MAST4: variants seen among roughly 807,000 people sequenced by gnomAD.
The protein encoded by MAST4 is microtubule associated serine/threonine kinase family member 4.
A neutral mutation model predicts 162.7 loss-of-function variants in MAST4; 89 were observed. The ratio of observed to expected loss-of-function variants is 0.55; its 90% CI spans 0.46 to 0.65. MAST4 has a LOEUF of 0.65. Among genes scored for constraint, MAST4 ranks in the 30% least tolerant of loss-of-function variants. The probability of loss-of-function intolerance (pLI) is 0.00; values close to 1 mark genes in which losing one functional copy is unlikely to be tolerated. For synonymous variants in MAST4, 1,479 were observed against 1,361.1 expected (o/e 1.09, Z -1.91); for missense variants, 3,153 against 3,374.0 (o/e 0.93, Z 1.62).
intron 1 of MAST4, among the ~76,000 whole-genome samples, chr5:66,621,019 T>C (rs1289754072): frequency 6.6e-6 from 1 of 152,182 alleles, no homozygotes; most frequent in Non-Finnish European, 1.5e-5. Flanking sequence ...TGTTTTTTTT[T>C]TCCCTGAATT....
chr5:66,870,836 A>G, intron 3 of MAST4: 1 of 471,504 alleles, frequency 2.1e-6, no homozygotes, highest in Non-Finnish European at 4.4e-6. Context: ...AGACTAGTGG[A>G]CCCAGCTGCT....
At chr5:67,128,377 A>G (rs544724073) in intron 14 of MAST4, among the ~76,000 whole-genome samples, 2 of 152,326 alleles carry the variant, frequency 1.3e-5, no homozygotes, top group Non-Finnish European at 2.9e-5. Context: ...ACAGCACTAG[A>G]TCATTCGGTG....
chr5:67,158,866 C>G (rs1385014191), intron 26 of MAST4, among the ~76,000 whole-genome samples: 1 of 152,128 alleles, frequency 6.6e-6, no homozygotes, highest in Admixed American at 6.5e-5. Context: ...GAAACCCTAT[C>G]TTTACTAAAA....
intron 4 of MAST4, among the ~76,000 whole-genome samples, chr5:67,022,442 T>C (rs949341946): frequency 6.6e-6 from 1 of 151,914 alleles, no homozygotes; most frequent in African/African-American, 2.4e-5. Context: ...GGGTATGTTA[T>C]TGCCAAATTC....
chr5:66,686,768 A>G (rs978316105), intron 1 of MAST4, among the ~76,000 whole-genome samples: 1 of 152,118 alleles, frequency 6.6e-6, no homozygotes, highest in African/African-American at 2.4e-5. Flanking sequence ...CCACCCCACT[A>G]TCTTGTAAGA....
intron 1 of MAST4, among the ~76,000 whole-genome samples, chr5:66,710,811 C>T (rs1416859801): frequency 1.3e-5 from 2 of 151,980 alleles, no homozygotes; most frequent in Non-Finnish European, 2.9e-5. Flanking sequence ...TTCTATGAGT[C>T]ATTTGAATCT....
At chr5:66,823,981 A>G (rs905700389) in intron 3 of MAST4, among the ~76,000 whole-genome samples, 1 of 152,190 alleles carries the variant, frequency 6.6e-6, no homozygotes, top group Non-Finnish European at 1.5e-5. Context: ...GTAATCTTTT[A>G]TGAGCTAATA....
intron 1 of MAST4, among the ~76,000 whole-genome samples, chr5:66,632,844 A>T (rs959856188): frequency 6.6e-6 from 1 of 152,262 alleles, no homozygotes; most frequent in East Asian, 1.9e-4. Flanking sequence ...ACACATATAC[A>T]TATTTGTATA....
intron 24 of MAST4, among the ~76,000 whole-genome samples, chr5:67,151,767 C>CTTTTTTTTTT (rs1163541260): frequency 2.0e-4 from 23 of 115,628 alleles, no homozygotes; most frequent in South Asian, 5.8e-4. Context: ...TTCTTTTTTT[C>CTTTTTTTTTT]TTTTTTTTTT....
At chr5:67,081,324 C>T (rs1762627954) in intron 5 of MAST4, among the ~76,000 whole-genome samples, 1 of 151,286 alleles carries the variant, frequency 6.6e-6, no homozygotes, top group African/African-American at 2.4e-5. Context: ...GGATAATTGA[C>T]ATGGTATGAT....
Position 67,166,446 on chromosome 5 carries a change from G to A in MAST4, c.7267G>A (p.Gly2423Ser). ...CCCTGAGGCCAGAGGGAAAGGGCCC[G>A]GTCCCCAGAAGCCACCGACGGAGGC... ...GFPEARGKGP[G>S]PQKPPTEADK... is the part of the protein sequence containing the mutation. Residue 2423 changes from glycine to serine, a missense_variant, in exon 29 of 29, where the codon GGT becomes AGT. By Grantham distance (56) the Gly-to-Ser change is moderately conservative (BLOSUM62 0). This residue lies in a region of MAST4 where 1,644 missense variants were observed against 1,495.0 expected (regional missense o/e 1.10). Transcript: ENST00000403625. 6.2e-7 allele frequency: 1 copy of A among 1,602,194 alleles called. No homozygotes were observed. The highest frequency in any genetic ancestry group is 8.5e-7 in the Non-Finnish European group (1 of 1,174,076).
intron 1 of MAST4, among the ~76,000 whole-genome samples, chr5:66,620,374 T>A (rs905595729): frequency 6.6e-6 from 1 of 152,200 alleles, no homozygotes; most frequent in Non-Finnish European, 1.5e-5. Flanking sequence ...AATACAGTTT[T>A]AAATTTTTCA....
intron 3 of MAST4, among the ~76,000 whole-genome samples, chr5:66,814,261 C>T (rs1756615647): frequency 6.6e-6 from 1 of 152,212 alleles, no homozygotes; most frequent in African/African-American, 2.4e-5. Flanking sequence ...TAAAGAATTG[C>T]TCACTGTGCC....
chr5:66,790,771 C>T (rs1755360380), intron 3 of MAST4, among the ~76,000 whole-genome samples: 1 of 152,156 alleles, frequency 6.6e-6, no homozygotes, highest in Non-Finnish European at 1.5e-5. Context: ...TCCATCCCAT[C>T]CCCAAGTCCA....
chr5:67,060,475 ATTT>A (rs71610552), intron 5 of MAST4, among the ~76,000 whole-genome samples: 1 of 120,588 alleles, frequency 8.3e-6, no homozygotes. Flanking sequence ...GAGTATCACA[ATTT>A]TTTTTTTTTT....
At chr5:66,728,405 TTGAATTTGCTTAGGGTGA>T (rs1261020114) in intron 1 of MAST4, among the ~76,000 whole-genome samples, 3 of 152,200 alleles carry the variant, frequency 2.0e-5, no homozygotes, top group Non-Finnish European at 2.9e-5. Context: ...GACCTCAGTT[TTGAATTTGCTTAGGGTGA>T]ACAAAGCTGT....
chr5:66,831,807 A>G (rs1029313247), intron 3 of MAST4, among the ~76,000 whole-genome samples: 1 of 152,200 alleles, frequency 6.6e-6, no homozygotes, highest in Non-Finnish European at 1.5e-5. Context: ...TTCAGATTGC[A>G]TCTCAAAACA....
intron 5 of MAST4, among the ~76,000 whole-genome samples, chr5:67,086,384 A>G (rs902429013): frequency 6.6e-6 from 1 of 152,190 alleles, no homozygotes; most frequent in Non-Finnish European, 1.5e-5. Flanking sequence ...AAACAATTTA[A>G]TTAATCTGGA....
At chr5:66,651,118 A>G (rs554185393) in intron 1 of MAST4, among the ~76,000 whole-genome samples, 1 of 152,298 alleles carries the variant, frequency 6.6e-6, no homozygotes, top group South Asian at 2.1e-4. Context: ...TGAAGTGTTT[A>G]CATCATACTG....
Sources: allele counts gnomAD v4.1 joint callset (sites outside exome capture counted in the v4.1 genomes callset), GRCh38; gene constraint gnomAD v4.1.1; regional missense constraint gnomAD v4.1.1; transcripts MANE v1.5; gene names NCBI Gene and HGNC (gene_info 2026-07-23, HGNC 2026-07-21).